The following DCUN1D4 variants were observed in gnomAD, a reference collection of about 807,000 sequenced individuals.
DCUN1D4 encodes DCN1-like protein 4.
DCUN1D4 carries 22 observed loss-of-function variants against 47.9 expected under a neutral mutation model. That is an observed-to-expected ratio of 0.46 (90% CI 0.33 to 0.66). The LOEUF is 0.66. Ranked by LOEUF, DCUN1D4 falls within the 30% of genes least tolerant of loss-of-function variation. The pLI is 0.02. For missense variants in DCUN1D4, 301 were observed against 340.8 expected (o/e 0.88, Z 0.92); for synonymous variants, 121 against 112.2 (o/e 1.08, Z -0.50).
chr4:51,842,864 T>A (rs1343847372), upstream of DCUN1D4: 1 of 269,674 alleles, frequency 3.7e-6, no homozygotes, highest in African/African-American at 2.2e-5. Flanking sequence ...TGGACCAATT[T>A]CCCAGCTTCG....
chr4:51,879,692 A>T (rs1159671534), intron 5 of DCUN1D4, among the ~76,000 whole-genome samples: 1 of 152,200 alleles, frequency 6.6e-6, no homozygotes, highest in Admixed American at 6.5e-5. Context: ...TTCTTATCAC[A>T]TTGATTATGA....
intron 8 of DCUN1D4, among the ~76,000 whole-genome samples, chr4:51,907,059 T>G (rs910414540): frequency 3.3e-5 from 5 of 152,206 alleles, no homozygotes; most frequent in African/African-American, 1.2e-4. Flanking sequence ...AAGTTAACCA[T>G]AGAATTAGAA....
Position 51,874,314 on chromosome 4 carries a change from G to A in DCUN1D4, c.180G>A (p.Val60=), listed in dbSNP as rs999654456. The A allele has an allele frequency of 6.2e-7, 1 of 1,613,490 alleles. No individual in the cohort carries two copies. Among genetic ancestry groups the A allele is most frequent in the African/African-American group, 1.3e-5 (1 of 74,888 alleles). The change falls in exon 4 of 11, where the codon GTG becomes GTA. Residue 60 remains valine, a synonymous_variant. Transcript: ENST00000334635. ...GTTCTTCAGACTGCTTTAATAAAGT[G>A]ATGCCACCAAGGAAAAAGAGAAGAC... ...SCSSSDCFNK[V]MPPRKKRRPA... is the part of the protein sequence containing the mutation.
chr4:51,890,394 G>A (rs1458008575), intron 6 of DCUN1D4, among the ~76,000 whole-genome samples: 3 of 152,138 alleles, frequency 2.0e-5, no homozygotes, highest in Non-Finnish European at 2.9e-5. Context: ...TAGGCTCTAC[G>A]TAAAGAGATC....
intron 7 of DCUN1D4, among the ~76,000 whole-genome samples, chr4:51,895,543 T>C (rs1189203400): frequency 4.9e-5 from 6 of 123,574 alleles, no homozygotes; most frequent in Non-Finnish European, 8.1e-5. Flanking sequence ...ATTAAGCTAA[T>C]TGTGGTGCTT....
chr4:51,852,375 A>G lies in DCUN1D4; in HGVS notation c.25+9108A>G, dbSNP rs530184860. Among the ~76,000 whole-genome samples the G allele has an allele frequency of 1.5e-4, 23 of 152,356 alleles. No homozygotes were observed. In the South Asian group the frequency reaches 4.8e-3, roughly 32 times the overall value. ...ATTGCAGCAAAACTAGAAAACAACT[A>G]CTAACATCATTTTTACATAACATTT... On this transcript the variant is annotated intron_variant, in intron 1 of 10. Coordinates refer to ENST00000334635, the MANE Select transcript of DCUN1D4 (RefSeq NM_001040402.3).
intron 8 of DCUN1D4, chr4:51,905,301 C>T (rs1732709248): frequency 4.6e-6 from 2 of 437,862 alleles, no homozygotes; most frequent in South Asian, 3.2e-5. Flanking sequence ...GCAGGGCCCG[C>T]ATCTGCCCTT....
At chr4:51,848,205 A>G (rs1324726729) in intron 1 of DCUN1D4, 4 of 1,288,726 alleles carry the variant, frequency 3.1e-6, no homozygotes, top group Non-Finnish European at 4.0e-6. Context: ...AAACATGCAG[A>G]TATCAGTTTT....
intron 8 of DCUN1D4, among the ~76,000 whole-genome samples, chr4:51,903,057 C>T (rs1008864386): frequency 6.6e-6 from 1 of 152,124 alleles, no homozygotes; most frequent in Non-Finnish European, 1.5e-5. Flanking sequence ...GCTACTATAA[C>T]TTTTGCTTTA....
intron 6 of DCUN1D4, among the ~76,000 whole-genome samples, chr4:51,889,089 A>G (rs760981311): frequency 5.3e-5 from 8 of 152,274 alleles, no homozygotes; most frequent in Admixed American, 2.0e-4. Flanking sequence ...ATCCTGGGCA[A>G]CAGAGTGAGA....
the DCUN1D4 span, among the ~76,000 whole-genome samples, chr4:51,837,885 A>G: frequency 6.6e-6 from 1 of 152,180 alleles, no homozygotes; most frequent in African/African-American, 2.4e-5. Flanking sequence ...TAGAAAATTT[A>G]AAAGTATAGG....
chr4:51,900,254 T>A (rs544256853), intron 8 of DCUN1D4, among the ~76,000 whole-genome samples: 1 of 152,320 alleles, frequency 6.6e-6, no homozygotes, highest in Non-Finnish European at 1.5e-5. Flanking sequence ...AAAGGTTTAT[T>A]TGATGGTGAA....
At chr4:51,887,270 G>GT (rs958844927) in intron 6 of DCUN1D4, 1 of 337,438 alleles carries the variant, frequency 3.0e-6, no homozygotes, top group Non-Finnish European at 5.8e-6. Context: ...CTTGGCTAAT[G>GT]TTTTTTGTAT....
intron 5 of DCUN1D4, among the ~76,000 whole-genome samples, chr4:51,879,274 T>G (rs1321940276): frequency 6.6e-6 from 1 of 152,216 alleles, no homozygotes. Flanking sequence ...TTTGATTCAT[T>G]GAACCTGAAT....
intron 3 of DCUN1D4, among the ~76,000 whole-genome samples, chr4:51,872,766 A>G (rs556495786): frequency 5.3e-5 from 8 of 152,140 alleles, no homozygotes; most frequent in Non-Finnish European, 1.2e-4. Flanking sequence ...GCTGCTTTCC[A>G]GCTGTCACTT....
intron 1 of DCUN1D4, chr4:51,844,906 C>T (rs1722274538): frequency 2.0e-6 from 2 of 985,392 alleles, no homozygotes; most frequent in African/African-American, 1.7e-5. Context: ...CTTTATTCCC[C>T]GGCCAGCTCC....
intron 6 of DCUN1D4, among the ~76,000 whole-genome samples, chr4:51,888,886 G>C (rs1485154922): frequency 6.6e-6 from 1 of 152,082 alleles, no homozygotes; most frequent in African/African-American, 2.4e-5. Flanking sequence ...GTGGGTGGGT[G>C]GATCACATGA....
At chr4:51,851,291 T>C (rs974603267) in intron 1 of DCUN1D4, among the ~76,000 whole-genome samples, 6 of 152,192 alleles carry the variant, frequency 3.9e-5, no homozygotes, top group Admixed American at 1.3e-4. Flanking sequence ...GGGACGATGA[T>C]GCCTGCTAGG....
At position 51,891,474 on chromosome 4, in the gene DCUN1D4, G is replaced by T. The variant is rs149401364; in HGVS notation, c.415-286G>T. ...ATTGTCAATAACTGGTTTTACATTT[G>T]ATATTGCCCTCTGGAGAGGGTGATC... On this transcript the variant is annotated intron_variant, in intron 6 of 10. Transcript: ENST00000334635. Among the ~76,000 whole-genome samples the T allele has an allele frequency of 4.6e-5, 7 of 152,274 alleles. No individual in the cohort carries two copies. The East Asian group carries it at 1.4e-3, about 29-fold the overall frequency.
Sources: gnomAD v4.1 joint callset for allele counts (sites outside exome capture counted in the v4.1 genomes callset) on GRCh38, gnomAD v4.1.1 for gene constraint, MANE v1.5 for transcripts, NCBI Gene and HGNC (gene_info 2026-07-23, HGNC 2026-07-21) for gene names.